Variants in CSMD1 observed in about 807,000 individuals in gnomAD.
CSMD1 encodes the protein CUB and Sushi multiple domains 1.
CSMD1 carries 213 observed loss-of-function variants against 417.5 expected under a neutral mutation model. The ratio of observed to expected loss-of-function variants is 0.51; its 90% CI spans 0.46 to 0.57. CSMD1 has a LOEUF of 0.57. Among genes scored for constraint, CSMD1 ranks in the 20% least tolerant of loss-of-function variants. The pLI is 0.00. For missense variants in CSMD1, 6,923 were observed against 4,529.7 expected (o/e 1.53, Z -15.17); for synonymous variants, 2,862 against 1,736.8 (o/e 1.65, Z -16.11).
chr8:4,216,465 G>T (rs1264935966), intron 3 of CSMD1, among the ~76,000 whole-genome samples: 2 of 152,244 alleles, frequency 1.3e-5, no homozygotes, highest in African/African-American at 4.8e-5. Flanking sequence ...TGTTAAATTA[G>T]TAATTAGTAA....
intron 18 of CSMD1, among the ~76,000 whole-genome samples, chr8:3,384,647 T>C (rs563403815): frequency 7.1e-6 from 1 of 140,808 alleles, no homozygotes; most frequent in Non-Finnish European, 1.5e-5. Context: ...TATTGCTATA[T>C]ACATATAAAT....
chr8:3,940,622 A>T (rs139450178), intron 5 of CSMD1, among the ~76,000 whole-genome samples: 1 of 151,928 alleles, frequency 6.6e-6, no homozygotes, highest in African/African-American at 2.4e-5. Flanking sequence ...AACACTGCCA[A>T]TCAATATGTA....
At chr8:3,085,373 C>T (rs1287666960) in intron 49 of CSMD1, among the ~76,000 whole-genome samples, 3 of 152,188 alleles carry the variant, frequency 2.0e-5, no homozygotes, top group Non-Finnish European at 4.4e-5. Context: ...AATGATACTT[C>T]TTAAATATTT....
chr8:4,367,854 G>C (rs907135343), intron 3 of CSMD1, among the ~76,000 whole-genome samples: 5 of 152,060 alleles, frequency 3.3e-5, no homozygotes, highest in African/African-American at 1.2e-4. Context: ...ATTCGGCTTT[G>C]AGCTTCGATA....
chr8:3,048,231 C>T (rs541134059), intron 50 of CSMD1, among the ~76,000 whole-genome samples: 5 of 152,198 alleles, frequency 3.3e-5, no homozygotes, highest in African/African-American at 1.2e-4. Flanking sequence ...CAAGACCGAT[C>T]TTGTAGGAAA....
chr8:4,806,262 T>C (rs969800663), intron 1 of CSMD1, among the ~76,000 whole-genome samples: 6 of 152,180 alleles, frequency 3.9e-5, no homozygotes, highest in Non-Finnish European at 5.9e-5. Context: ...AGTGTGCACA[T>C]GCTCGGAGAC....
chr8:3,845,402 G>C (rs1237163775), intron 5 of CSMD1, among the ~76,000 whole-genome samples: 1 of 152,136 alleles, frequency 6.6e-6, no homozygotes, highest in Non-Finnish European at 1.5e-5. Context: ...TGAAGGCAAT[G>C]GTTACACAGT....
At chr8:3,007,471 C>G (rs867523851) in intron 52 of CSMD1, among the ~76,000 whole-genome samples, 3 of 151,212 alleles carry the variant, frequency 2.0e-5, no homozygotes, top group Non-Finnish European at 4.4e-5. Flanking sequence ...CACATGCACA[C>G]GTATGTTTAT....
At chr8:4,060,765 T>C (rs2130736413) in intron 3 of CSMD1, among the ~76,000 whole-genome samples, 1 of 152,082 alleles carries the variant, frequency 6.6e-6, no homozygotes, top group East Asian at 1.9e-4. Context: ...ATTCTACCTA[T>C]GTGGGACCAC....
intron 6 of CSMD1, among the ~76,000 whole-genome samples, chr8:3,726,693 C>T (rs558497988): frequency 5.9e-5 from 9 of 152,232 alleles, no homozygotes; most frequent in Middle Eastern, 3.4e-3. Flanking sequence ...GTGAGTGGTA[C>T]GAGGTGTATA....
Position 4,443,950 on chromosome 8 carries a change from T to C in CSMD1, c.303-23885A>G, listed in dbSNP as rs73660826. Among the ~76,000 whole-genome samples, 716 of 152,258 alleles carry C rather than the reference T, an allele frequency of 4.7e-3. 5 individuals are homozygous for C. Among genetic ancestry groups the C allele is most frequent in the African/African-American group, 0.016 (677 of 41,546 alleles). ...GTACATATACATGCATATATTCGTG[T>C]GTGATATAATTACCTGTGATATGAG... On this transcript the variant is annotated intron_variant, in intron 2 of 69. Coordinates refer to ENST00000635120, the MANE Select transcript of CSMD1 (RefSeq NM_033225.6).
chr8:3,052,437 T>C (rs768244362), intron 50 of CSMD1, 25 bp downstream of exon 50: 9 of 1,542,852 alleles, frequency 5.8e-6, no homozygotes, highest in Admixed American at 2.0e-5. Context: ...CCCACAAAGA[T>C]GGGCAGATGC....
chr8:4,728,778 T>G lies in CSMD1; in HGVS notation c.86-91220A>C, dbSNP rs904908447. Among the ~76,000 whole-genome samples the G allele has an allele frequency of 4.0e-5, 6 of 151,758 alleles. No individual in the cohort carries two copies. The East Asian group carries it at 1.2e-3, about 29-fold the overall frequency. ...TCTGCTGAAAAAAAAAATAACCAGA[T>G]GTCTGCTGCCACCTAAAAAACTCAA... On this transcript the variant is annotated intron_variant, in intron 1 of 69. Coordinates refer to ENST00000635120, the MANE Select transcript of CSMD1 (RefSeq NM_033225.6).
chr8:3,141,956 C>G (rs1818521110), intron 41 of CSMD1, among the ~76,000 whole-genome samples: 2 of 152,036 alleles, frequency 1.3e-5, no homozygotes, highest in Non-Finnish European at 2.9e-5. Flanking sequence ...CGCCACTATG[C>G]CCAGCTAATT....
At chr8:3,563,964 G>T (rs568182372) in intron 10 of CSMD1, among the ~76,000 whole-genome samples, 6 of 152,118 alleles carry the variant, frequency 3.9e-5, no homozygotes, top group African/African-American at 1.4e-4. Flanking sequence ...TCATTCTTTT[G>T]GGTACATTCT....
chr8:4,883,438 T>C (rs1266638376), intron 1 of CSMD1, among the ~76,000 whole-genome samples: 2 of 152,106 alleles, frequency 1.3e-5, no homozygotes, highest in Admixed American at 6.6e-5. Flanking sequence ...ATTTTGAACA[T>C]TTTTATCATC....
rs558421181 is a variant in CSMD1 at position 4,834,723 on chromosome 8, G to C, written c.85+159609C>G. 7.2e-5 allele frequency among the ~76,000 whole-genome samples: 11 copies of C among 151,936 alleles called. No homozygotes were observed. The East Asian group carries it at 2.1e-3, about 29-fold the overall frequency. On this transcript the variant is annotated intron_variant, in intron 1 of 69. Transcript: ENST00000635120. The stretch of plus-strand genomic sequence containing the variant: ...TGTAATCCCAGCACTTTGGGAGGCC[G>C]AGGCGGGCGGATCACGACATCAGGA...
At chr8:4,158,094 T>C (rs1197502708) in intron 3 of CSMD1, among the ~76,000 whole-genome samples, 1 of 151,932 alleles carries the variant, frequency 6.6e-6, no homozygotes, top group Non-Finnish European at 1.5e-5. Context: ...AAACCCTTTT[T>C]TTTTTTTTTC....
intron 12 of CSMD1, among the ~76,000 whole-genome samples, chr8:3,420,157 C>G (rs185137572): frequency 8.5e-5 from 13 of 152,120 alleles, no homozygotes; most frequent in Non-Finnish European, 1.6e-4. Context: ...CAAGCTAAGT[C>G]CTCAAAATTA....
Sources: gnomAD v4.1 joint callset for allele counts (sites outside exome capture counted in the v4.1 genomes callset) on GRCh38, gnomAD v4.1.1 for gene constraint, MANE v1.5 for transcripts, NCBI Gene and HGNC (gene_info 2026-07-23, HGNC 2026-07-21) for gene names.